The following CNTNAP2 variants were observed in gnomAD, a reference collection of about 807,000 sequenced individuals.
CNTNAP2 encodes contactin-associated protein-like 2.
Under a neutral mutation model 155.2 loss-of-function variants are expected in CNTNAP2, and 98 were observed. The observed-to-expected ratio is 0.63, with a 90% CI of 0.54 to 0.75. The LOEUF is 0.75. Among genes scored for constraint, CNTNAP2 ranks in the 30% least tolerant of loss-of-function variants. The pLI is 0.00. For synonymous variants in CNTNAP2, 651 were observed against 631.2 expected (o/e 1.03, Z -0.47); for missense variants, 1,727 against 1,688.1 (o/e 1.02, Z -0.40).
chr7:148,198,713 G>A (rs1010933141), intron 18 of CNTNAP2, among the ~76,000 whole-genome samples: 3 of 152,248 alleles, frequency 2.0e-5, no homozygotes. Context: ...GTTGGTTAAA[G>A]CTTCATAGGA....
chr7:147,084,006 C>T (rs1322096388), intron 4 of CNTNAP2, among the ~76,000 whole-genome samples: 2 of 127,286 alleles, frequency 1.6e-5, no homozygotes, highest in Non-Finnish European at 3.1e-5. Context: ...TACATATATA[C>T]ATAATGCTAT....
chr7:146,283,492 C>G (rs554784999), intron 1 of CNTNAP2, among the ~76,000 whole-genome samples: 1 of 152,058 alleles, frequency 6.6e-6, no homozygotes, highest in African/African-American at 2.4e-5. Flanking sequence ...CTCAGCCTCC[C>G]GAGTAGCAGG....
intron 15 of CNTNAP2, among the ~76,000 whole-genome samples, chr7:147,985,990 C>T (rs975605695): frequency 1.3e-5 from 2 of 152,162 alleles, no homozygotes; most frequent in African/African-American, 4.8e-5. Context: ...CTAGACCCCT[C>T]ATTTCCTGCT....
At chr7:147,851,835 A>G (rs1798948203) in intron 13 of CNTNAP2, among the ~76,000 whole-genome samples, 1 of 152,074 alleles carries the variant, frequency 6.6e-6, no homozygotes, top group Non-Finnish European at 1.5e-5. Flanking sequence ...GGTGCAGCAC[A>G]CCAACATGGC....
At chr7:147,084,862 T>C (rs1164969929) in intron 4 of CNTNAP2, among the ~76,000 whole-genome samples, 1 of 149,460 alleles carries the variant, frequency 6.7e-6, no homozygotes, top group East Asian at 1.9e-4. Context: ...ACACATATAG[T>C]GTTTGTGTGT....
chr7:146,931,228 CA>C (rs1365359245), intron 3 of CNTNAP2, among the ~76,000 whole-genome samples: 2 of 152,100 alleles, frequency 1.3e-5, no homozygotes, highest in Admixed American at 1.3e-4. Flanking sequence ...GAAATTATAA[CA>C]AACTGTCTCT....
chr7:147,330,541 T>C (rs995006251), intron 9 of CNTNAP2, among the ~76,000 whole-genome samples: 1 of 152,192 alleles, frequency 6.6e-6, no homozygotes, highest in South Asian at 2.1e-4. Context: ...ATTTTGGAAC[T>C]GAGTCCTTCA....
intron 9 of CNTNAP2, among the ~76,000 whole-genome samples, chr7:147,395,025 A>T (rs946382689): frequency 6.6e-6 from 1 of 151,578 alleles, no homozygotes; most frequent in African/African-American, 2.4e-5. Flanking sequence ...GCCTAAATTT[A>T]TTTGCTTCTA....
chr7:147,097,181 C>T (rs1800553720), intron 4 of CNTNAP2, among the ~76,000 whole-genome samples: 1 of 152,148 alleles, frequency 6.6e-6, no homozygotes, highest in African/African-American at 2.4e-5. Flanking sequence ...ATAAAAATGA[C>T]ATTTTTTCCT....
At chr7:147,505,075 C>G (rs1159097890) in intron 11 of CNTNAP2, among the ~76,000 whole-genome samples, 1 of 152,032 alleles carries the variant, frequency 6.6e-6, no homozygotes, top group East Asian at 1.9e-4. Flanking sequence ...CATAGATTTT[C>G]CCCGTTTCTA....
chr7:147,866,288 C>CAGTT (rs142017096), intron 13 of CNTNAP2, among the ~76,000 whole-genome samples: 106,879 of 151,750 alleles, frequency 0.7, 37,809 homozygotes, highest in Middle Eastern at 0.8. Flanking sequence ...GTCTGAGAGA[C>CAGTT]TGTTGTCATT....
intron 15 of CNTNAP2, among the ~76,000 whole-genome samples, chr7:148,094,203 A>ATGGCT (rs1237190837): frequency 1.3e-5 from 2 of 152,242 alleles, no homozygotes; most frequent in Non-Finnish European, 2.9e-5. Flanking sequence ...ATAAGCCTCA[A>ATGGCT]TGGCTTCATC....
At chr7:146,262,333 C>T (rs1002188265) in intron 1 of CNTNAP2, among the ~76,000 whole-genome samples, 24 of 152,160 alleles carry the variant, frequency 1.6e-4, no homozygotes, top group African/African-American at 4.6e-4. Flanking sequence ...CTCAATTGCA[C>T]GTTAGACAAC....
intron 2 of CNTNAP2, among the ~76,000 whole-genome samples, chr7:146,787,395 G>A (rs548064605): frequency 3.0e-4 from 45 of 152,240 alleles, no homozygotes; most frequent in Non-Finnish European, 6.0e-4. Flanking sequence ...GATGTGTCTG[G>A]AGTTTCTTCC....
intron 1 of CNTNAP2, among the ~76,000 whole-genome samples, chr7:146,390,973 AGG>A (rs1554427025): frequency 2.5e-4 from 37 of 148,268 alleles, no homozygotes; most frequent in African/African-American, 3.4e-4. Context: ...AGGCTGAGGC[AGG>A]AGAATTGCTT....
At chr7:147,544,584 C>T (rs1291851195) in intron 11 of CNTNAP2, among the ~76,000 whole-genome samples, 2 of 151,952 alleles carry the variant, frequency 1.3e-5, no homozygotes, top group East Asian at 1.9e-4. Flanking sequence ...GCATGACTTT[C>T]ATGGGCCCTA....
chr7:147,020,956 A>C (rs1002620494), intron 3 of CNTNAP2, among the ~76,000 whole-genome samples: 10 of 152,140 alleles, frequency 6.6e-5, no homozygotes, highest in African/African-American at 2.4e-4. Context: ...ACCATTTTTC[A>C]GTATTTTGTG....
chr7:147,491,819 A>T (rs1798614401), intron 11 of CNTNAP2, among the ~76,000 whole-genome samples: 1 of 152,238 alleles, frequency 6.6e-6, no homozygotes, highest in Non-Finnish European at 1.5e-5. Flanking sequence ...AATATGGGTA[A>T]ATGGAAGGCA....
chr7:147,119,578 TGTCTCATTTTAC>T (rs1223210263), intron 5 of CNTNAP2, among the ~76,000 whole-genome samples: 1 of 152,188 alleles, frequency 6.6e-6, no homozygotes, highest in Admixed American at 6.5e-5. Context: ...TCCTTTTCCT[TGTCTCATTTTAC>T]GCATACACAC....
Sources: gnomAD v4.1 joint callset for allele counts (sites outside exome capture counted in the v4.1 genomes callset) on GRCh38, gnomAD v4.1.1 for gene constraint, MANE v1.5 for transcripts, NCBI Gene and HGNC (gene_info 2026-07-23, HGNC 2026-07-21) for gene names.